ECSIT: variants seen among roughly 807,000 people sequenced by gnomAD.
ECSIT encodes the protein evolutionarily conserved signaling intermediate in Toll pathway, mitochondrial.
In ECSIT, 29 loss-of-function variants were observed where a neutral mutation model predicts 36.8. The observed-to-expected ratio is 0.79, with a 90% CI of 0.59 to 1.08. The LOEUF is 1.08. ECSIT is among the 50% of genes least tolerant of loss of function. ECSIT has a pLI of 0.00. For synonymous variants in ECSIT, 231 were observed against 234.8 expected (o/e 0.98, Z 0.15); for missense variants, 542 against 581.0 (o/e 0.93, Z 0.69).
At chr19:11,520,802 C>T (rs1321351296) in intron 1 of ECSIT, among the ~76,000 whole-genome samples, 1 of 150,962 alleles carries the variant, frequency 6.6e-6, no homozygotes, top group African/African-American at 2.4e-5. Flanking sequence ...TGAGCCACCG[C>T]ACCCGGGCTT....
At chr19:11,517,901 A>T (rs1294250135) in intron 2 of ECSIT, among the ~76,000 whole-genome samples, 4 of 152,118 alleles carry the variant, frequency 2.6e-5, no homozygotes, top group Non-Finnish European at 5.9e-5. Flanking sequence ...TCACAAGTAG[A>T]TGCAGGAGGA....
chr19:11,527,478 C>T (rs1337770406), intron 1 of ECSIT, among the ~76,000 whole-genome samples: 1 of 152,128 alleles, frequency 6.6e-6, no homozygotes, highest in African/African-American at 2.4e-5. Context: ...CCCAGGGATT[C>T]AAGACCAGCC....
At position 11,506,305 on chromosome 19, in the gene ECSIT, C is replaced by T. The variant is rs757084368; in HGVS notation, c.1175G>A (p.Arg392His). The T allele has an allele frequency of 6.2e-7, 1 of 1,612,970 alleles. No individual in the cohort carries two copies. The highest frequency in any genetic ancestry group is 1.3e-5 in the African/African-American group (1 of 74,940). ...PTLAQIPVVF[R>H]LAGSTRELQT... ...GAGCTCCCGGGTGGACCCGGCGAGG[C>T]GGAAGACCACGGGGATCTGGGCCAG... The change falls in exon 8 of 8, where the codon CGC becomes CAC. Residue 392 changes from arginine (R) to histidine (H), a missense_variant. Coordinates refer to ENST00000270517, the MANE Select transcript of ECSIT (RefSeq NM_016581.5).
At chr19:11,526,871 C>T (rs1000899326) in intron 1 of ECSIT, among the ~76,000 whole-genome samples, 3 of 151,992 alleles carry the variant, frequency 2.0e-5, no homozygotes, top group Non-Finnish European at 4.4e-5. Flanking sequence ...AGGTGTGTGC[C>T]ACCACACCCA....
At position 11,522,305 on chromosome 19, in the gene ECSIT, TGGGC is replaced by T. The variant is rs999346545; in HGVS notation, c.-23-3116_-23-3113del. 8.3e-5 allele frequency: 55 copies of T among 661,426 alleles called. 1 individual carries two copies. In the Admixed American group the frequency reaches 1.2e-3, roughly 14 times the overall value. The allele number at this position is 661,426 out of a possible 1,614,324, so 41.0% of individuals were successfully genotyped here. On this transcript the variant is annotated intron_variant, in intron 1 of 7. Transcript: ENST00000270517. ...GCTGTCACCCAGTGCTACCGAGACA[TGGGC>T]GCCCGGTACCCCACCTGGACCCATT...
chr19:11,527,456 G>C (rs1032363448), intron 1 of ECSIT, among the ~76,000 whole-genome samples: 5 of 152,302 alleles, frequency 3.3e-5, no homozygotes, highest in South Asian at 2.1e-4. Context: ...CAAGGTAGGA[G>C]GATCACTTGA....
chr19:11,513,607 A>C (rs1011376888), intron 3 of ECSIT, among the ~76,000 whole-genome samples, 197 bp downstream of exon 3: 1 of 71,490 alleles, frequency 1.4e-5, no homozygotes. Context: ...GAGGAGAGGG[A>C]GGGAGGGGGG....
intron 1 of ECSIT, chr19:11,520,106 A>G (rs1463079749): frequency 1.3e-5 from 2 of 152,078 alleles, no homozygotes; most frequent in Non-Finnish European, 2.9e-5. Context: ...GCCATTTCAT[A>G]CAAATGGAAT....
At chr19:11,508,170 G>T in intron 4 of ECSIT, 122 bp from the exon 5 acceptor site, 2 of 1,206,218 alleles carry the variant, frequency 1.7e-6, no homozygotes, top group East Asian at 4.7e-5. Context: ...TCTGGTACAC[G>T]GCCCTCCAAC....
chr19:11,515,059 A>G (rs979609135), intron 2 of ECSIT, among the ~76,000 whole-genome samples: 6 of 149,486 alleles, frequency 4.0e-5, no homozygotes, highest in African/African-American at 1.5e-4. Context: ...GGCTGGTCTC[A>G]AACTCCAGGC....
At chr19:11,524,849 A>T (rs2145003428) in intron 1 of ECSIT, among the ~76,000 whole-genome samples, 1 of 152,070 alleles carries the variant, frequency 6.6e-6, no homozygotes, top group Middle Eastern at 3.4e-3. Context: ...AAAAATAAAA[A>T]GCACTCTGGC....
intron 1 of ECSIT, among the ~76,000 whole-genome samples, chr19:11,524,181 A>G (rs1972165027): frequency 6.6e-6 from 1 of 151,108 alleles, no homozygotes; most frequent in Non-Finnish European, 1.5e-5. Context: ...CGGCCTCCCA[A>G]AGTGCTGGAA....
intron 7 of ECSIT, 101 bp from the exon 8 acceptor site, chr19:11,506,529 C>CTTTTTATT (rs1971744467): frequency 1.6e-6 from 1 of 613,290 alleles, no homozygotes; most frequent in African/African-American, 3.5e-5. Context: ...CTTCCACTTC[C>CTTTTTATT]TTTTTTTTTT....
intron 1 of ECSIT, among the ~76,000 whole-genome samples, chr19:11,527,313 T>G (rs917690651): frequency 6.6e-6 from 1 of 152,044 alleles, no homozygotes; most frequent in South Asian, 2.1e-4. Flanking sequence ...CAGAGCGAGA[T>G]TCCATCGCTA....
chr19:11,513,114 G>A lies in ECSIT; in HGVS notation c.680C>T (p.Ala227Val). ...RDLPQDPVEL[A>V]MFGLRHMEPD... ...CTCCATGTGCCGCAGGCCAAACATG[G>A]CCAGCTCCACAGGGTCCTGGGGCAG... The change falls in exon 4 of 8, where the codon GCC becomes GTC. Residue 227 changes from alanine to valine, a missense_variant. Transcript: ENST00000270517. 1 of 1,614,226 alleles carries A rather than the reference G, an allele frequency of 6.2e-7. No individual in the cohort carries two copies. The highest frequency in any genetic ancestry group is 8.5e-7 in the Non-Finnish European group (1 of 1,180,048).
chr19:11,515,808 A>G (rs1599583476), intron 2 of ECSIT, among the ~76,000 whole-genome samples: 1 of 152,100 alleles, frequency 6.6e-6, no homozygotes, highest in Non-Finnish European at 1.5e-5. Context: ...TAACTTTTGT[A>G]TTTTTAGTAG....
intron 2 of ECSIT, among the ~76,000 whole-genome samples, chr19:11,515,557 A>G (rs950913050): frequency 1.9e-4 from 28 of 147,004 alleles, no homozygotes; most frequent in African/African-American, 6.5e-4. Context: ...TGTGGGTTCA[A>G]GCGATTCTCC....
intron 2 of ECSIT, among the ~76,000 whole-genome samples, chr19:11,518,417 A>T (rs1336629346): frequency 1.3e-5 from 2 of 151,410 alleles, no homozygotes; most frequent in African/African-American, 2.4e-5. Context: ...ACAAGAGCAA[A>T]ATTCCATCTA....
intron 7 of ECSIT, 118 bp downstream of exon 7, chr19:11,507,339 C>A: frequency 1.3e-6 from 1 of 762,886 alleles, no homozygotes. Flanking sequence ...TGCAGTGGCT[C>A]TATAATAGTT....
Sources: gnomAD v4.1 joint callset for allele counts (sites outside exome capture counted in the v4.1 genomes callset) on GRCh38, gnomAD v4.1.1 for gene constraint, MANE v1.5 for transcripts, NCBI Gene and HGNC (gene_info 2026-07-23, HGNC 2026-07-21) for gene names.